Variants in CARNS1 observed in about 807,000 individuals in gnomAD.
CARNS1 encodes ATP-grasp domain containing 1.
CARNS1 carries 61 observed loss-of-function variants against 74.0 expected under a neutral mutation model. That is an observed-to-expected ratio of 0.82 (90% confidence interval 0.67 to 1.02). The LOEUF (loss-of-function observed/expected upper bound fraction) is 1.02, where lower values mean the gene tolerates loss of function less well. Ranked by LOEUF, CARNS1 falls within the 50% of genes least tolerant of loss-of-function variation. The probability of loss-of-function intolerance (pLI) is 0.00; values close to 1 mark genes in which losing one functional copy is unlikely to be tolerated. For missense variants in CARNS1, 1,278 were observed against 1,308.4 expected (o/e 0.98, Z 0.36); for synonymous variants, 568 against 605.5 (o/e 0.94, Z 0.91).
In CARNS1 at chr11:67,424,696, T is replaced by TGCCCCA. The variant is rs1379391083; in HGVS notation, c.*105_*110dup. 6.6e-6 allele frequency: 9 copies of TGCCCCA among 1,353,718 alleles called. No homozygotes were observed. The highest frequency in any genetic ancestry group is 1.5e-5 in the African/African-American group (1 of 68,354). 83.9% of individuals were successfully genotyped at this position (1,353,718 alleles called of 1,614,324 possible). ...CTTCCTGCTTCTCTCCCCATCACCA[T>TGCCCCA]GCCCCAGCCCCAGCCTGGCCCGCTG... is the stretch of plus-strand genomic sequence containing the variant. On this transcript the variant is annotated 3_prime_UTR_variant, in exon 10 of 10. Coordinates refer to ENST00000687366, the MANE Select transcript of CARNS1 (RefSeq NM_001166222.2).
rs1405584137 is a variant in CARNS1, at chr11:67,423,718, G to A, written c.1970G>A (p.Ser657Asn). The change falls in exon 10 of 10, where the codon AGT becomes AAT. Residue 657 changes from serine (S) to asparagine (N), a missense_variant. By Grantham distance (46) the Ser-to-Asn change is conservative. Around this residue, in one of 3 missense-constraint regions of CARNS1, gnomAD observed 1,164 missense variants for 1,156.5 expected, o/e 1.01. Coordinates refer to ENST00000687366, the MANE Select transcript of CARNS1 (RefSeq NM_001166222.2). This position sits in a 1 kb window ranked among gnomAD's most constrained non-coding sequence, Gnocchi z 5.1. ...GCTGTGCCCTGCTGCCCACTGGAGAGTGAGGCTGATGTGGAGAGGGCCGTG... is the reference window on the plus strand; with the variant it reads ...GCTGTGCCCTGCTGCCCACTGGAGAATGAGGCTGATGTGGAGAGGGCCGTG... ...LHAVPCCPLESEADVERAVHQ... is the reference protein window; with the variant it reads ...LHAVPCCPLENEADVERAVHQ... The A allele has an allele frequency of 6.3e-7, 1 of 1,579,964 alleles. No homozygotes were observed. Among genetic ancestry groups the A allele is most frequent in the African/African-American group, 1.3e-5 (1 of 74,344 alleles).
At position 67,425,201 on chromosome 11, in the gene CARNS1, C is replaced by T; in HGVS notation, c.*600C>T. Reference sequence around the variant, plus strand: ...TGCTCACCCCAGGCAGACACAACTGCCTATGTTCCCCCGATGAGAGGAAAC... The same window carrying T: ...TGCTCACCCCAGGCAGACACAACTGTCTATGTTCCCCCGATGAGAGGAAAC... On this transcript the variant is annotated 3_prime_UTR_variant, in exon 10 of 10. Transcript: ENST00000687366. The T allele has an allele frequency of 2.6e-6, 1 of 392,028 alleles. No individual in the cohort carries two copies. The highest frequency in any genetic ancestry group is 3.1e-5 in the Admixed American group (1 of 32,248). The allele number at this position is 392,028 out of a possible 1,614,324, so 24.3% of individuals were successfully genotyped here. A position where few individuals can be genotyped will look rare whatever the true frequency, so the allele number is the denominator to read the frequency against.
chr11:67,419,894 C>G, intron 7 of CARNS1, 56 bp downstream of exon 7: 19 of 1,529,076 alleles, frequency 1.2e-5, no homozygotes, highest in Non-Finnish European at 1.6e-5. Flanking sequence ...CAGCCCAGTC[C>G]CAGTAGTGGT....
intron 9 of CARNS1, among the ~76,000 whole-genome samples, chr11:67,422,818 A>G (rs1200354397): frequency 1.3e-5 from 2 of 152,120 alleles, no homozygotes; most frequent in Non-Finnish European, 2.9e-5. Flanking sequence ...AGGCTGTGTT[A>G]CTTTGCAGAG....
intron 9 of CARNS1, among the ~76,000 whole-genome samples, chr11:67,421,455 G>A (rs914243392): frequency 6.6e-6 from 1 of 152,212 alleles, no homozygotes; most frequent in Non-Finnish European, 1.5e-5. Context: ...AGGCCCTGGG[G>A]AGGGCAGGGA....
At chr11:67,415,952 A>C in intron 1 of CARNS1, 189 bp downstream of exon 1, 5 of 355,542 alleles carry the variant, frequency 1.4e-5, no homozygotes, top group Non-Finnish European at 2.1e-5. Flanking sequence ...CCCGGACCCC[A>C]GGGCAGGAAG....
Position 67,423,136 on chromosome 11 carries a change from T to C in CARNS1, c.1627-239T>C, listed in dbSNP as rs1230278345. 6.6e-6 allele frequency among the ~76,000 whole-genome samples: 1 copy of C among 152,214 alleles called. No homozygotes were observed. Among genetic ancestry groups the C allele is most frequent in the African/African-American group, 2.4e-5 (1 of 41,450 alleles). On this transcript the variant is annotated intron_variant, in intron 9 of 9. Transcript: ENST00000687366. This position sits in a 1 kb window ranked among gnomAD's most constrained non-coding sequence, Gnocchi z 5.1. ...CCTGCAGCCACCTGGCTGACTCATA[T>C]TCTTCAGCTCCCAGCTTAGGCATTG...
rs761707642 is a variant in CARNS1, at chr11:67,419,744, T to G, written c.1028-9T>G. 24 of 1,601,688 alleles carry G rather than the reference T, an allele frequency of 1.5e-5. No individual in the cohort carries two copies. The highest frequency in any genetic ancestry group is 1.7e-5 in the Admixed American group (1 of 58,668). ...TGTGCTGGCCTTAGACCTCCCCGTC[T>G]TCCCCCAGATGGTCCTTCACCCGGC... On this transcript the variant is annotated splice_polypyrimidine_tract_variant and intron_variant, in intron 6 of 9. Transcript: ENST00000687366.
At position 67,419,229 on chromosome 11, in the gene CARNS1, G is replaced by A. The variant is rs573001715; in HGVS notation, c.838G>A (p.Gly280Ser). ...VEAFLRSEAL[G>S]DILQVAVKLS... ...GGCTTTTCTGCGCTCCGAGGCCCTGGGTGATATCCTGCAGGTAACAGACTC... is the reference window on the plus strand; with the variant it reads ...GGCTTTTCTGCGCTCCGAGGCCCTGAGTGATATCCTGCAGGTAACAGACTC... The change falls in exon 5 of 10, where the codon GGT (glycine) becomes AGT (serine). Residue 280 changes from glycine (G) to serine (S), a missense_variant. Coordinates refer to ENST00000687366, the MANE Select transcript of CARNS1 (RefSeq NM_001166222.2). The A allele has an allele frequency of 8.1e-6, 12 of 1,482,100 alleles. No homozygotes were observed. In the African/African-American group the frequency reaches 1.5e-4, roughly 19 times the overall value. The allele number at this position is 1,482,100 out of a possible 1,614,324, so 91.8% of individuals were successfully genotyped here.
chr11:67,418,409 G>A, intron 3 of CARNS1, 22 bp from the exon 4 acceptor site: 1 of 1,435,722 alleles, frequency 7.0e-7, no homozygotes, highest in Non-Finnish European at 9.1e-7. Context: ...CTGGTGAGCT[G>A]GGCCATGTTC....
intron 4 of CARNS1, 24 bp downstream of exon 4, chr11:67,418,544 C>T: frequency 2.0e-6 from 3 of 1,525,280 alleles, no homozygotes; most frequent in Non-Finnish European, 2.6e-6. Context: ...CAAGTTTCCC[C>T]ATCCCCTTCT....
chr11:67,419,315 T>A, intron 5 of CARNS1, 72 bp downstream of exon 5: 1 of 1,466,606 alleles, frequency 6.8e-7, no homozygotes, highest in South Asian at 1.4e-5. Flanking sequence ...GGTTACCAAG[T>A]CTGGCTGGAA....
At position 67,421,053 on chromosome 11, in the gene CARNS1, C is replaced by A; in HGVS notation, c.1460C>A (p.Pro487Gln). ...CGALEGLWAA[P>Q]RLGPAADEAV... ...GCGCTGGAGGGGCTGTGGGCCGCGC[C>A]GCGGCTGGGGCCGGCGGCCGACGAG... The change falls in exon 9 of 10, where the codon CCG (proline) becomes CAG (glutamine). Residue 487 changes from proline (P) to glutamine (Q), a missense_variant. Pro to Gln is a moderately conservative substitution (Grantham distance 76). Transcript: ENST00000687366. 1 of 1,358,488 alleles carries A rather than the reference C, an allele frequency of 7.4e-7. No homozygotes were observed. The highest frequency in any genetic ancestry group is 9.4e-7 in the Non-Finnish European group (1 of 1,066,474). The allele number at this position is 1,358,488 out of a possible 1,614,324, so 84.2% of individuals were successfully genotyped here.
intron 9 of CARNS1, 64 bp downstream of exon 9, chr11:67,421,283 C>CG: frequency 7.4e-7 from 1 of 1,346,896 alleles, no homozygotes; most frequent in African/African-American, 1.5e-5. Context: ...GGCGGGACCC[C>CG]GGGGCGGGGC....
rs763463707 is a variant in CARNS1 at position 67,423,941 on chromosome 11, C to T, written c.2193C>T (p.Thr731=). Reference sequence around the variant, plus strand: ...TGCTGATGGAGTTTGTGGAGGGCACCGAGCACGACGTGGACCTGGTGTTGT... The same window carrying T: ...TGCTGATGGAGTTTGTGGAGGGCACTGAGCACGACGTGGACCTGGTGTTGT... ...AMLLMEFVEG[T]EHDVDLVLFG... is the part of the protein sequence containing the mutation. The change falls in exon 10 of 10, where the codon ACC becomes ACT. Residue 731 remains threonine (T), a synonymous_variant. Coordinates refer to ENST00000687366, the MANE Select transcript of CARNS1 (RefSeq NM_001166222.2). This position sits in a 1 kb window ranked among gnomAD's most constrained non-coding sequence, Gnocchi z 5.1. 6.7e-5 allele frequency: 108 copies of T among 1,613,468 alleles called. No individual in the cohort carries two copies. The Admixed American group carries it at 1.2e-3, about 18-fold the overall frequency.
Position 67,424,018 on chromosome 11 carries a change from T to C in CARNS1, c.2270T>C (p.Leu757Pro). Residue 757 changes from leucine (L) to proline (P), a missense_variant, in exon 10 of 10, where the codon CTG (leucine) becomes CCG (proline). Physicochemically the swap from Leu to Pro is moderately conservative, Grantham distance 98. This residue lies in a region of CARNS1 where 1,164 missense variants were observed against 1,156.5 expected (regional missense o/e 1.01). Transcript: ENST00000687366. ...GTCTCCGACAATGGCCCTACGAGGC[T>C]GCCTGGCTTCACTGAGACGGCGGCC... Reference protein sequence around the residue: ...AFVSDNGPTRLPGFTETAACM... With the variant: ...AFVSDNGPTRPPGFTETAACM... 6.2e-7 allele frequency: 1 copy of C among 1,613,040 alleles called. No individual in the cohort carries two copies. The highest frequency in any genetic ancestry group is 8.5e-7 in the Non-Finnish European group (1 of 1,179,806).
At position 67,420,929 on chromosome 11, in the gene CARNS1, C is replaced by A. The variant is rs1283430849; in HGVS notation, c.1346-10C>A. The A allele has an allele frequency of 1.5e-6, 2 of 1,378,750 alleles. No individual in the cohort carries two copies. Among genetic ancestry groups the A allele is most frequent in the Admixed American group, 3.3e-5 (1 of 30,518 alleles). 85.4% of individuals were successfully genotyped at this position (1,378,750 alleles called of 1,614,324 possible). ...GCCGTAGCTGAGCTCGCGCCTCCCG[C>A]CCGGCGCAGGCGTGGATTTCGCGCT... On this transcript the variant is annotated splice_polypyrimidine_tract_variant and intron_variant, in intron 8 of 9. Coordinates refer to ENST00000687366, the MANE Select transcript of CARNS1 (RefSeq NM_001166222.2).
At chr11:67,422,822 T>C (rs974927825) in intron 9 of CARNS1, among the ~76,000 whole-genome samples, 1 of 152,242 alleles carries the variant, frequency 6.6e-6, no homozygotes, top group South Asian at 2.1e-4. Context: ...TGTGTTACTT[T>C]GCAGAGAGCC....
In CARNS1 at chr11:67,421,187, G is replaced by C. The variant is rs750733564; in HGVS notation, c.1594G>C (p.Val532Leu). 6.7e-6 allele frequency: 10 copies of C among 1,495,082 alleles called. No homozygotes were observed. The highest frequency in any genetic ancestry group is 6.2e-5 in the South Asian group (5 of 80,138). The allele number at this position is 1,495,082 out of a possible 1,614,324, so 92.6% of individuals were successfully genotyped here. ...VGAGGVSKKF[V>L]WEAARDYGLQ... is the part of the protein sequence containing the mutation. ...CGCTGGCGGCGTCAGCAAGAAGTTC[G>C]TGTGGGAGGCGGCGCGCGACTACGG... The change falls in exon 9 of 10, where the codon GTG becomes CTG. Residue 532 changes from valine to leucine, a missense_variant. This residue lies in a region of CARNS1 where 1,164 missense variants were observed against 1,156.5 expected (regional missense o/e 1.01). Coordinates refer to ENST00000687366, the MANE Select transcript of CARNS1 (RefSeq NM_001166222.2).
Sources: gnomAD v4.1 joint callset for allele counts (sites outside exome capture counted in the v4.1 genomes callset) on GRCh38, gnomAD v4.1.1 for gene constraint, gnomAD v4.1.1 regional missense constraint, Gnocchi (gnomAD v3.1) non-coding constraint, MANE v1.5 for transcripts, NCBI Gene and HGNC (gene_info 2026-07-23, HGNC 2026-07-21) for gene names.